Variants in SDK1 observed in about 807,000 individuals in gnomAD.
SDK1 encodes the protein protein sidekick-1.
In SDK1, 157 loss-of-function variants were observed where a neutral mutation model predicts 245.5. That is an observed-to-expected ratio of 0.64 (90% CI 0.56 to 0.73). SDK1 has a LOEUF of 0.73. Ranked by LOEUF, SDK1 falls within the 30% of genes least tolerant of loss-of-function variation. The pLI is 0.00. For synonymous variants in SDK1, 1,647 were observed against 1,278.5 expected (o/e 1.29, Z -6.15); for missense variants, 3,583 against 3,002.3 (o/e 1.19, Z -4.52).
At chr7:3,965,201 G>T (rs929735888) in intron 9 of SDK1, among the ~76,000 whole-genome samples, 1 of 152,126 alleles carries the variant, frequency 6.6e-6, no homozygotes, top group African/African-American at 2.4e-5. Flanking sequence ...CAAACACAGG[G>T]TGCAGGCTGA....
chr7:4,084,701 G>C (rs558495069), intron 22 of SDK1, among the ~76,000 whole-genome samples: 1 of 136,372 alleles, frequency 7.3e-6, no homozygotes. Flanking sequence ...GTTATGTTAT[G>C]TTATGTTATG....
At chr7:3,884,803 G>T (rs899114777) in intron 5 of SDK1, among the ~76,000 whole-genome samples, 2 of 152,194 alleles carry the variant, frequency 1.3e-5, no homozygotes, top group African/African-American at 4.8e-5. Flanking sequence ...AACTTGTGAA[G>T]GACAAGGTAA....
At chr7:4,007,460 G>A (rs927946945) in intron 14 of SDK1, among the ~76,000 whole-genome samples, 2 of 152,128 alleles carry the variant, frequency 1.3e-5, no homozygotes, top group Admixed American at 6.5e-5. Context: ...GACAGAGCTG[G>A]ATAGGGAGGG....
rs370173149 is a variant in SDK1 at position 3,594,921 on chromosome 7, TA to T, written c.299-24157del. ...TTTCTAGGTAAAGCTAAATCATCAT[TA>T]ATGTATAGGGTTTACTGTTTTTCTA... On this transcript the variant is annotated intron_variant, in intron 1 of 44. Transcript: ENST00000404826. Among the ~76,000 whole-genome samples, 197 of 152,326 alleles carry T rather than the reference TA, an allele frequency of 1.3e-3. 4 individuals carry two copies. Among genetic ancestry groups the T allele is most frequent in the African/African-American group, 4.6e-3 (190 of 41,578 alleles).
intron 32 of SDK1, among the ~76,000 whole-genome samples, chr7:4,168,614 G>A (rs1411636447): frequency 6.6e-6 from 1 of 152,176 alleles, no homozygotes; most frequent in Non-Finnish European, 1.5e-5. Context: ...TCCTCCCCCA[G>A]AAGTAAATTG....
chr7:3,920,259 G>A (rs1013757819), intron 5 of SDK1, among the ~76,000 whole-genome samples: 1 of 152,184 alleles, frequency 6.6e-6, no homozygotes, highest in Non-Finnish European at 1.5e-5. Context: ...TAGCCTAGGG[G>A]TGTTTTAGGA....
intron 4 of SDK1, among the ~76,000 whole-genome samples, chr7:3,757,153 C>T (rs757998060): frequency 8.1e-4 from 123 of 152,256 alleles, no homozygotes; most frequent in Non-Finnish European, 1.3e-3. Flanking sequence ...CAAAACTACC[C>T]CCACTTCAGA....
chr7:4,072,995 GCAGA>G (rs1200673891), intron 20 of SDK1, among the ~76,000 whole-genome samples: 55 of 152,264 alleles, frequency 3.6e-4, no homozygotes, highest in African/African-American at 1.3e-3. Flanking sequence ...GGGCCAGGAT[GCAGA>G]CAGACAGTTT....
rs550903486 is a variant in SDK1, at chr7:3,743,048, G to C, written c.714-78402G>C. On this transcript the variant is annotated intron_variant, in intron 4 of 44. Coordinates refer to ENST00000404826, the MANE Select transcript of SDK1 (RefSeq NM_152744.4). ...TTGATAGGCATGAATTTGATTGTAC[G>C]GAACTTTCCTGGAGCAATGTACGTG... 3.1e-4 allele frequency among the ~76,000 whole-genome samples: 47 copies of C among 152,282 alleles called. 1 individual carries two copies. The highest frequency in any genetic ancestry group is 1.1e-3 in the African/African-American group (44 of 41,550).
intron 44 of SDK1, among the ~76,000 whole-genome samples, chr7:4,246,097 A>T (rs894750325): frequency 6.6e-6 from 1 of 152,164 alleles, no homozygotes; most frequent in Non-Finnish European, 1.5e-5. Context: ...TAGGCCCAGC[A>T]GAGCTCACAC....
intron 4 of SDK1, among the ~76,000 whole-genome samples, chr7:3,650,825 GT>G (rs55674495): frequency 0.4 from 57,805 of 143,802 alleles, 11,820 homozygotes; most frequent in African/African-American, 0.52. Flanking sequence ...GTGGGGATTG[GT>G]TTTTTTTTTT....
At chr7:3,319,878 C>CTTGTTTTTTTTTTT in intron 1 of SDK1, among the ~76,000 whole-genome samples, 1 of 88,102 alleles carries the variant, frequency 1.1e-5, no homozygotes, top group Non-Finnish European at 2.2e-5. Flanking sequence ...CATTCTTAGT[C>CTTGTTTTTTTTTTT]TTTTTTTTTT....
At chr7:4,088,667 G>T (rs571715257) in intron 22 of SDK1, among the ~76,000 whole-genome samples, 1 of 152,110 alleles carries the variant, frequency 6.6e-6, no homozygotes, top group South Asian at 2.1e-4. Flanking sequence ...GGTTCACACT[G>T]CCCTTCTGTT....
rs1313772235 is a variant in SDK1, at chr7:3,862,945, G to T, written c.847+41362G>T. 2.7e-5 allele frequency among the ~76,000 whole-genome samples: 4 copies of T among 150,494 alleles called. No homozygotes were observed. The East Asian group carries it at 5.8e-4, about 22-fold the overall frequency. On this transcript the variant is annotated intron_variant, in intron 5 of 44. Transcript: ENST00000404826. Reference sequence around the variant, plus strand: ...GGGTTTGTGCTCCTATGGGAATCCAGTGCCACCGCTGGCTGATCTGACAGG... The same window carrying T: ...GGGTTTGTGCTCCTATGGGAATCCATTGCCACCGCTGGCTGATCTGACAGG...
chr7:3,495,401 C>A (rs1781993590), intron 1 of SDK1, among the ~76,000 whole-genome samples: 1 of 151,554 alleles, frequency 6.6e-6, no homozygotes, highest in Middle Eastern at 3.2e-3. Context: ...GGGATTACAG[C>A]CTGTGTGACG....
At chr7:4,053,937 T>TTTG (rs980108928) in intron 19 of SDK1, among the ~76,000 whole-genome samples, 12 of 152,194 alleles carry the variant, frequency 7.9e-5, no homozygotes, top group African/African-American at 2.4e-4. Flanking sequence ...GGTGGTTTTT[T>TTTG]TTGTTGTTGT....
chr7:4,037,451 C>G (rs1296811519), intron 17 of SDK1, among the ~76,000 whole-genome samples: 1 of 152,030 alleles, frequency 6.6e-6, no homozygotes, highest in East Asian at 1.9e-4. Flanking sequence ...AGACCCATCT[C>G]TACAAAAAAT....
chr7:3,874,129 GT>G (rs912276094), intron 5 of SDK1, among the ~76,000 whole-genome samples: 65 of 152,104 alleles, frequency 4.3e-4, no homozygotes, highest in African/African-American at 1.3e-3. Context: ...TAATATGAAG[GT>G]TTTTGTTCGT....
chr7:3,682,999 G>A (rs1461702748), intron 4 of SDK1, among the ~76,000 whole-genome samples: 2 of 152,194 alleles, frequency 1.3e-5, no homozygotes, highest in Non-Finnish European at 2.9e-5. Flanking sequence ...CTCCCAAAGT[G>A]TTGTGATCAC....
Sources: gnomAD v4.1 joint callset for allele counts (sites outside exome capture counted in the v4.1 genomes callset) on GRCh38, gnomAD v4.1.1 for gene constraint, MANE v1.5 for transcripts, NCBI Gene and HGNC (gene_info 2026-07-23, HGNC 2026-07-21) for gene names.